Variants in THRB observed in about 807,000 individuals in gnomAD.
The protein encoded by THRB is thyroid hormone receptor beta.
A neutral mutation model predicts 47.8 loss-of-function variants in THRB; 12 were observed. The observed-to-expected ratio is 0.25, with a 90% confidence interval of 0.16 to 0.41. The LOEUF is 0.41. THRB is among the 10% of genes least tolerant of loss of function. The probability of loss-of-function intolerance (pLI) is 1.00; values close to 1 mark genes in which losing one functional copy is unlikely to be tolerated. For synonymous variants in THRB, 218 were observed against 212.2 expected, an observed-to-expected ratio of 1.03 and a Z score of -0.24; for missense variants, 348 against 589.2, an observed-to-expected ratio of 0.59 and a Z score of 4.24.
intron 3 of THRB, 110 bp downstream of exon 3, chr3:24,297,116 C>T (rs79155684): frequency 6.6e-6 from 1 of 152,116 alleles, no homozygotes; most frequent in Non-Finnish European, 1.5e-5. Context: ...AGAAAGGAGA[C>T]AATGAATTAA....
chr3:24,235,787 T>G (rs1424100461), intron 3 of THRB, among the ~76,000 whole-genome samples: 1 of 152,194 alleles, frequency 6.6e-6, no homozygotes, highest in East Asian at 1.9e-4. Flanking sequence ...CGTGACTAGA[T>G]GCAGAATCAG....
chr3:24,291,029 C>T (rs1332418419), intron 3 of THRB, among the ~76,000 whole-genome samples: 1 of 152,152 alleles, frequency 6.6e-6, no homozygotes, highest in Non-Finnish European at 1.5e-5. Context: ...GCAAAAAACA[C>T]TAATTGATCC....
intron 4 of THRB, among the ~76,000 whole-genome samples, chr3:24,215,869 CTAGAGG>C (rs1019197127): frequency 6.6e-6 from 1 of 152,070 alleles, no homozygotes; most frequent in African/African-American, 2.4e-5. Flanking sequence ...TTCTGAAGTC[CTAGAGG>C]TAGATGGGGA....
intron 1 of THRB, among the ~76,000 whole-genome samples, chr3:24,445,653 A>G (rs1191703495): frequency 1.3e-5 from 2 of 152,180 alleles, no homozygotes; most frequent in South Asian, 2.1e-4. Flanking sequence ...GTGAGGAGAA[A>G]TAGTCACGAC....
intron 1 of THRB, among the ~76,000 whole-genome samples, chr3:24,436,361 C>A (rs937294836): frequency 6.6e-6 from 1 of 152,102 alleles, no homozygotes; most frequent in Non-Finnish European, 1.5e-5. Flanking sequence ...AAAAGGATGA[C>A]CCAGTTTACA....
intron 5 of THRB, among the ~76,000 whole-genome samples, chr3:24,165,836 A>G (rs1375291132): frequency 6.6e-6 from 1 of 152,224 alleles, no homozygotes; most frequent in Admixed American, 6.5e-5. Context: ...TGACAGCTTA[A>G]GCATGAAACA....
intron 1 of THRB, among the ~76,000 whole-genome samples, chr3:24,487,110 A>T (rs1301684402): frequency 6.6e-6 from 1 of 152,124 alleles, no homozygotes; most frequent in African/African-American, 2.4e-5. Flanking sequence ...CACTTCAACA[A>T]CAGGCAGCAT....
intron 3 of THRB, among the ~76,000 whole-genome samples, chr3:24,230,316 G>A (rs1286816790): frequency 6.6e-6 from 1 of 152,146 alleles, no homozygotes; most frequent in South Asian, 2.1e-4. Flanking sequence ...CCTTTCTCAT[G>A]TTTATATCTT....
chr3:24,489,671 T>A (rs1044062800), intron 1 of THRB, among the ~76,000 whole-genome samples: 6 of 152,180 alleles, frequency 3.9e-5, no homozygotes, highest in African/African-American at 1.4e-4. Context: ...GCTGACAGTA[T>A]ATAAAGACTT....
At chr3:24,226,549 G>T (rs2047673580) in intron 4 of THRB, among the ~76,000 whole-genome samples, 3 of 152,168 alleles carry the variant, frequency 2.0e-5, no homozygotes, top group African/African-American at 7.2e-5. Context: ...TTCACTAGGA[G>T]GCAGCTGGGG....
intron 1 of THRB, chr3:24,486,605 A>G (rs1195435582): frequency 6.6e-6 from 1 of 152,240 alleles, no homozygotes; most frequent in African/African-American, 2.4e-5. Context: ...CCTTATGTTT[A>G]TGAACCCATA....
chr3:24,465,876 G>A (rs980863878), intron 1 of THRB, among the ~76,000 whole-genome samples: 12 of 151,858 alleles, frequency 7.9e-5, no homozygotes, highest in South Asian at 4.2e-4. Context: ...ATACTTTCAC[G>A]TGGCTTAAAA....
chr3:24,237,682 C>G (rs2049013455), intron 3 of THRB, among the ~76,000 whole-genome samples: 2 of 152,058 alleles, frequency 1.3e-5, no homozygotes, highest in Non-Finnish European at 2.9e-5. Context: ...GGCCGTAGCT[C>G]TCAAAGGTGA....
intron 7 of THRB, chr3:24,144,094 C>A (rs1559444523): frequency 4.0e-6 from 1 of 251,586 alleles, no homozygotes; most frequent in East Asian, 8.8e-5. Flanking sequence ...GGGTTTCTGT[C>A]CTCCCCGCTT....
At chr3:24,265,744 AG>A (rs1274855331) in intron 3 of THRB, among the ~76,000 whole-genome samples, 1 of 152,176 alleles carries the variant, frequency 6.6e-6, no homozygotes, top group Non-Finnish European at 1.5e-5. Context: ...GTCCAATCGT[AG>A]ATTATTTGAG....
In THRB at chr3:24,118,973, G is replaced by GTTTT. The variant is rs559325556; in HGVS notation, c.*3907_*3910dup. 2.3e-3 allele frequency: 112 copies of GTTTT among 49,484 alleles called. No individual in the cohort carries two copies. Among genetic ancestry groups the GTTTT allele is most frequent in the East Asian group, 8.5e-3 (10 of 1,182 alleles). The allele number at this position is 49,484 out of a possible 1,614,324, so 3.1% of individuals were successfully genotyped here. A position where few individuals can be genotyped will look rare whatever the true frequency, so the allele number is the denominator to read the frequency against. On this transcript the variant is annotated 3_prime_UTR_variant, in exon 11 of 11. Coordinates refer to ENST00000646209, the MANE Select transcript of THRB (RefSeq NM_001354712.2). The stretch of plus-strand genomic sequence containing the variant: ...GCCAAACCTTTTTTCCCCCAGTCTG[G>GTTTT]TTTTTTTTTTTTTTTTTTTTTTTTT...
chr3:24,317,865 TG>T (rs1007718517), intron 2 of THRB, among the ~76,000 whole-genome samples: 1 of 152,104 alleles, frequency 6.6e-6, no homozygotes, highest in Non-Finnish European at 1.5e-5. Flanking sequence ...AAGAATAGCC[TG>T]GGAAACATGG....
chr3:24,437,671 T>C (rs1387897500), intron 1 of THRB, among the ~76,000 whole-genome samples: 1 of 152,038 alleles, frequency 6.6e-6, no homozygotes, highest in Non-Finnish European at 1.5e-5. Flanking sequence ...CAAAAAAGTT[T>C]GCTGGAAAAA....
chr3:24,348,173 G>T (rs984036276), intron 1 of THRB, among the ~76,000 whole-genome samples: 4 of 152,100 alleles, frequency 2.6e-5, no homozygotes, highest in African/African-American at 9.7e-5. Context: ...TATAAGGTTG[G>T]TTTAATATTA....
Sources: allele counts gnomAD v4.1 joint callset (sites outside exome capture counted in the v4.1 genomes callset), GRCh38; gene constraint gnomAD v4.1.1; transcripts MANE v1.5; gene names NCBI Gene and HGNC (gene_info 2026-07-23, HGNC 2026-07-21).